Variants in NFU1 observed in about 807,000 individuals in gnomAD.
NFU1 encodes NFU1 iron-sulfur cluster scaffold.
NFU1 carries 30 observed loss-of-function variants against 32.2 expected under a neutral mutation model. The ratio of observed to expected loss-of-function variants is 0.93; its 90% CI spans 0.70 to 1.26. The LOEUF is 1.26. NFU1 is among the 50% of genes most tolerant of loss of function. The pLI is 0.00. For synonymous variants in NFU1, 112 were observed against 104.6 expected, an observed-to-expected ratio of 1.07 and a Z score of -0.43; for missense variants, 306 against 306.6, an observed-to-expected ratio of 1.00 and a Z score of 0.02.
intron 4 of NFU1, among the ~76,000 whole-genome samples, chr2:69,417,912 T>A (rs1252165525): frequency 6.7e-6 from 1 of 150,200 alleles, no homozygotes; most frequent in Non-Finnish European, 1.5e-5. Context: ...CCTATAAAAA[T>A]TTTTATATAG....
intron 6 of NFU1, 137 bp downstream of exon 6, chr2:69,405,885 G>A (rs137999369): frequency 1.3e-4 from 86 of 641,416 alleles, no homozygotes; most frequent in African/African-American, 1.2e-3. Flanking sequence ...CAATTGTCAC[G>A]GCTACCTGTT....
chr2:69,422,291 G>T (rs1558836449), intron 3 of NFU1, among the ~76,000 whole-genome samples: 1 of 152,088 alleles, frequency 6.6e-6, no homozygotes, highest in Non-Finnish European at 1.5e-5. Context: ...TAAAACTGAT[G>T]AATTGTTTAT....
chr2:69,398,827 A>G (rs1672420005), intron 7 of NFU1, among the ~76,000 whole-genome samples: 1 of 152,294 alleles, frequency 6.6e-6, no homozygotes, highest in South Asian at 2.1e-4. Flanking sequence ...CTTTGGGGAT[A>G]GGTCTATATA....
intron 3 of NFU1, among the ~76,000 whole-genome samples, chr2:69,420,464 T>C (rs1320328610): frequency 6.6e-6 from 1 of 152,196 alleles, no homozygotes; most frequent in Non-Finnish European, 1.5e-5. Context: ...TTTCAAACAA[T>C]AAAATTTAAA....
At chr2:69,396,965 G>A (rs749300167) in intron 7 of NFU1, among the ~76,000 whole-genome samples, 19 of 151,724 alleles carry the variant, frequency 1.3e-4, no homozygotes, top group Admixed American at 3.3e-4. Context: ...CCAGGTACCC[G>A]GGAGACTAAG....
chr2:69,415,771 G>A (rs1043381995), intron 4 of NFU1, among the ~76,000 whole-genome samples: 2 of 151,828 alleles, frequency 1.3e-5, no homozygotes, highest in Non-Finnish European at 2.9e-5. Context: ...CACCCACCCC[G>A]GCCTCCCAAA....
At chr2:69,426,868 A>C (rs1409528351) in intron 2 of NFU1, among the ~76,000 whole-genome samples, 3 of 150,154 alleles carry the variant, frequency 2.0e-5, no homozygotes, top group Non-Finnish European at 4.4e-5. Flanking sequence ...GGAGTTTGAG[A>C]CCAGCCTGGC....
chr2:69,406,011 G>A lies in NFU1; in HGVS notation c.545+11C>T, dbSNP rs775731328. The stretch of plus-strand genomic sequence containing the variant: ...AAGCACTTGAATTCAGGTAGAGAGA[G>A]GAGCACGTACCGTATTCTAGTATCT... On this transcript the variant is annotated intron_variant, in intron 6 of 7. Coordinates refer to ENST00000410022, the MANE Select transcript of NFU1 (RefSeq NM_001002755.4). The A allele has an allele frequency of 2.0e-5, 31 of 1,561,688 alleles. No homozygotes were observed. In the African/African-American group the frequency reaches 4.1e-4, roughly 20 times the overall value.
At chr2:69,406,367 T>A (rs530060572) in intron 5 of NFU1, among the ~76,000 whole-genome samples, 1 of 152,308 alleles carries the variant, frequency 6.6e-6, no homozygotes, top group East Asian at 1.9e-4. Flanking sequence ...TATGAAATTT[T>A]AAGCCAGTAA....
At chr2:69,397,586 A>G (rs1027588338) in intron 7 of NFU1, among the ~76,000 whole-genome samples, 2 of 147,830 alleles carry the variant, frequency 1.4e-5, no homozygotes, top group African/African-American at 5.1e-5. Flanking sequence ...AGGCATATAG[A>G]TGATAATGGA....
At chr2:69,420,793 A>T (rs2104784564) in intron 3 of NFU1, among the ~76,000 whole-genome samples, 1 of 152,362 alleles carries the variant, frequency 6.6e-6, no homozygotes, top group Middle Eastern at 3.4e-3. Flanking sequence ...ACAAAAAGAG[A>T]TGAAGAAAGG....
rs750469296 is a variant in NFU1 at position 69,432,000 on chromosome 2, C to T, written c.68G>A (p.Cys23Tyr). Residue 23 changes from cysteine (C) to tyrosine (Y), a missense_variant, in exon 2 of 8, where the codon TGT becomes TAT. Cys to Tyr is a radical substitution (Grantham distance 194). Transcript: ENST00000410022. ...GGTGTATGGATTCTTCAACATATGA[C>T]AGAACCTGCATTTAAAAGCACATAA... The part of the protein sequence containing the change: ...AVAAGLRRRF[C>Y]HMLKNPYTIK... The T allele has an allele frequency of 6.2e-7, 1 of 1,600,884 alleles. No homozygotes were observed.
Position 69,436,296 on chromosome 2 carries a change from C to T in NFU1, c.62+1065G>A, listed in dbSNP as rs758828858. Among the ~76,000 whole-genome samples, 39 of 152,162 alleles carry T rather than the reference C, an allele frequency of 2.6e-4. 1 individual carries two copies. The highest frequency in any genetic ancestry group is 4.9e-4 in the Non-Finnish European group (33 of 68,036). On this transcript the variant is annotated intron_variant, in intron 1 of 7. Coordinates refer to ENST00000410022, the MANE Select transcript of NFU1 (RefSeq NM_001002755.4). ...GCAGTAAGTGCTCAATAAATGGCAGCTGCTACCATTATTTAATTGGTGCCC... is the reference window on the plus strand; with the variant it reads ...GCAGTAAGTGCTCAATAAATGGCAGTTGCTACCATTATTTAATTGGTGCCC...
chr2:69,422,393 C>G (rs1405417671), intron 3 of NFU1, among the ~76,000 whole-genome samples: 1 of 152,158 alleles, frequency 6.6e-6, no homozygotes, highest in African/African-American at 2.4e-5. Flanking sequence ...GGGGGGACTA[C>G]TGGTTTAAAC....
At chr2:69,439,051 T>C (rs1673960275), upstream of NFU1, among the ~76,000 whole-genome samples, 1 of 152,074 alleles carries the variant, frequency 6.6e-6, no homozygotes, top group African/African-American at 2.4e-5. Flanking sequence ...GGATTCCTTA[T>C]CATAAGAAAA....
intron 1 of NFU1, among the ~76,000 whole-genome samples, chr2:69,435,234 T>C (rs2104822434): frequency 6.6e-6 from 1 of 152,330 alleles, no homozygotes; most frequent in Non-Finnish European, 1.5e-5. Flanking sequence ...AAAGTTAGCT[T>C]GGCCCAAGCC....
chr2:69,438,865 A>AC (rs1458596915), upstream of NFU1, among the ~76,000 whole-genome samples: 1 of 62,660 alleles, frequency 1.6e-5, no homozygotes, highest in Non-Finnish European at 2.8e-5. Context: ...CCCCCATCCA[A>AC]CCCCCCACCC....
At chr2:69,417,980 CTT>C (rs1290211947) in intron 4 of NFU1, among the ~76,000 whole-genome samples, 1 of 151,988 alleles carries the variant, frequency 6.6e-6, no homozygotes, top group East Asian at 1.9e-4. Context: ...TAATTTCCCA[CTT>C]ATAAAATAAC....
chr2:69,423,152 GT>G (rs1673303609), intron 3 of NFU1, among the ~76,000 whole-genome samples: 3 of 99,024 alleles, frequency 3.0e-5, no homozygotes, highest in Non-Finnish European at 6.5e-5. Flanking sequence ...AAATTTGTGT[GT>G]GTGTGTGTGT....
Sources: gnomAD v4.1 joint callset for allele counts (sites outside exome capture counted in the v4.1 genomes callset) on GRCh38, gnomAD v4.1.1 for gene constraint, MANE v1.5 for transcripts, NCBI Gene and HGNC (gene_info 2026-07-23, HGNC 2026-07-21) for gene names.